Variants in FAF1 observed in about 807,000 individuals in gnomAD.
FAF1 encodes FAS-associated factor 1.
A neutral mutation model predicts 92.5 loss-of-function variants in FAF1; 25 were observed. The ratio of observed to expected loss-of-function variants is 0.27; its 90% CI spans 0.20 to 0.38. The LOEUF (loss-of-function observed/expected upper bound fraction) is 0.38, where lower values mean the gene tolerates loss of function less well. FAF1 is among the 10% of genes least tolerant of loss of function. The pLI is 1.00. For synonymous variants in FAF1, 234 were observed against 273.2 expected (o/e 0.86, Z 1.42); for missense variants, 636 against 793.3 (o/e 0.80, Z 2.38).
chr1:50,660,776 T>G (rs1655338991), intron 7 of FAF1, among the ~76,000 whole-genome samples: 1 of 152,078 alleles, frequency 6.6e-6, no homozygotes, highest in Non-Finnish European at 1.5e-5. Context: ...ACAGGCGAGC[T>G]ACCTTACCCA....
chr1:50,506,026 T>G lies in FAF1; in HGVS notation c.1495-14225A>C, dbSNP rs532620393. On this transcript the variant is annotated intron_variant, in intron 15 of 18. Coordinates refer to ENST00000396153, the MANE Select transcript of FAF1 (RefSeq NM_007051.3). ...TAAAGTCAAAGGTCTCAGAGCAGCC[T>G]TTACATGTGCCAATAGTAGAAAGTC... 9.8e-5 allele frequency among the ~76,000 whole-genome samples: 15 copies of G among 152,332 alleles called. No individual in the cohort carries two copies. In the South Asian group the frequency reaches 2.9e-3, roughly 29 times the overall value.
At chr1:50,946,896 G>A (rs1406989914) in intron 1 of FAF1, among the ~76,000 whole-genome samples, 1 of 152,150 alleles carries the variant, frequency 6.6e-6, no homozygotes, top group Non-Finnish European at 1.5e-5. Context: ...CTTCACCCAA[G>A]AGGGAGACAT....
intron 1 of FAF1, among the ~76,000 whole-genome samples, chr1:50,957,003 A>C (rs777819904): frequency 3.3e-5 from 5 of 152,284 alleles, no homozygotes; most frequent in African/African-American, 4.8e-5. Context: ...TAACTGAATA[A>C]ATGCTTACTT....
At chr1:50,447,095 C>G (rs1646236105) in intron 18 of FAF1, among the ~76,000 whole-genome samples, 1 of 150,154 alleles carries the variant, frequency 6.7e-6, no homozygotes, top group Non-Finnish European at 1.5e-5. Context: ...AATAAACCAA[C>G]AGAGGCTTCT....
chr1:50,638,828 C>T (rs1384197958), intron 8 of FAF1, among the ~76,000 whole-genome samples: 4 of 152,056 alleles, frequency 2.6e-5, no homozygotes, highest in African/African-American at 4.8e-5. Flanking sequence ...TTTGCTTTTG[C>T]TTTGAAAAAA....
At chr1:50,915,004 C>T (rs1194768712) in intron 1 of FAF1, among the ~76,000 whole-genome samples, 1 of 152,202 alleles carries the variant, frequency 6.6e-6, no homozygotes, top group East Asian at 1.9e-4. Flanking sequence ...TTTTAAAACA[C>T]ATCTGAACTT....
chr1:50,686,869 C>T (rs926989584), intron 7 of FAF1, among the ~76,000 whole-genome samples: 1 of 152,060 alleles, frequency 6.6e-6, no homozygotes, highest in Non-Finnish European at 1.5e-5. Context: ...CATTCTGTCG[C>T]CCACGCTGGA....
chr1:50,729,052 A>ATTT (rs1490540715), intron 6 of FAF1, among the ~76,000 whole-genome samples: 90 of 97,906 alleles, frequency 9.2e-4, no homozygotes, highest in African/African-American at 3.8e-3. Context: ...ATATATATAT[A>ATTT]TATATATTTT....
At chr1:50,805,513 C>T (rs1228414772) in intron 2 of FAF1, among the ~76,000 whole-genome samples, 1 of 152,034 alleles carries the variant, frequency 6.6e-6, no homozygotes, top group East Asian at 1.9e-4. Flanking sequence ...TCATGGTGGG[C>T]TTTAGACCTT....
At chr1:50,948,443 T>G (rs933610728) in intron 1 of FAF1, among the ~76,000 whole-genome samples, 1 of 152,006 alleles carries the variant, frequency 6.6e-6, no homozygotes, top group Non-Finnish European at 1.5e-5. Flanking sequence ...CCTCTCACAG[T>G]CAACCCAGAC....
chr1:50,634,630 T>C (rs1240084190), intron 8 of FAF1, among the ~76,000 whole-genome samples: 3 of 152,240 alleles, frequency 2.0e-5, no homozygotes, highest in Admixed American at 2.0e-4. Flanking sequence ...TTTTTGTTTG[T>C]TTTAAAGAGC....
chr1:50,581,195 A>G (rs1337248289), intron 12 of FAF1, among the ~76,000 whole-genome samples: 2 of 152,224 alleles, frequency 1.3e-5, no homozygotes, highest in Non-Finnish European at 2.9e-5. Flanking sequence ...TGCTTAAAAC[A>G]GCTTTTAAAA....
chr1:50,834,297 T>TA (rs1289426144), intron 2 of FAF1, among the ~76,000 whole-genome samples: 1 of 152,192 alleles, frequency 6.6e-6, no homozygotes, highest in African/African-American at 2.4e-5. Context: ...CTTTATAAAT[T>TA]ACCCCATCTC....
intron 13 of FAF1, among the ~76,000 whole-genome samples, chr1:50,545,978 G>T (rs1011659429): frequency 6.6e-6 from 1 of 152,164 alleles, no homozygotes; most frequent in African/African-American, 2.4e-5. Flanking sequence ...GACCAACCTG[G>T]ATAACAAAGT....
At chr1:50,867,629 G>A (rs1218611578) in intron 1 of FAF1, among the ~76,000 whole-genome samples, 6 of 152,078 alleles carry the variant, frequency 3.9e-5, no homozygotes, top group Non-Finnish European at 7.4e-5. Context: ...ACCACAATGC[G>A]ATACCACTTT....
intron 3 of FAF1, among the ~76,000 whole-genome samples, chr1:50,796,339 T>C (rs905253815): frequency 6.6e-6 from 1 of 152,150 alleles, no homozygotes; most frequent in Admixed American, 6.5e-5. Context: ...TGATGTTAGC[T>C]TCTAGCTTTT....
At chr1:50,868,887 C>T (rs894685650) in intron 1 of FAF1, among the ~76,000 whole-genome samples, 6 of 152,066 alleles carry the variant, frequency 3.9e-5, no homozygotes, top group African/African-American at 1.4e-4. Context: ...TGTGGAATTG[C>T]CATTTAACTC....
chr1:50,857,666 A>C (rs1175356585), intron 2 of FAF1, among the ~76,000 whole-genome samples: 3 of 151,832 alleles, frequency 2.0e-5, no homozygotes, highest in Admixed American at 2.0e-4. Flanking sequence ...CCACCAAAAA[A>C]TTACGTGGGA....
At chr1:50,831,489 G>A (rs1330733762) in intron 2 of FAF1, among the ~76,000 whole-genome samples, 1 of 152,104 alleles carries the variant, frequency 6.6e-6, no homozygotes, top group Non-Finnish European at 1.5e-5. Flanking sequence ...AGCTCCTTAA[G>A]AGCAAAGAAT....
Sources: gnomAD v4.1 joint callset for allele counts (sites outside exome capture counted in the v4.1 genomes callset) on GRCh38, gnomAD v4.1.1 for gene constraint, MANE v1.5 for transcripts, NCBI Gene and HGNC (gene_info 2026-07-23, HGNC 2026-07-21) for gene names.